The following DKC1 variants were observed in gnomAD, a reference collection of about 807,000 sequenced individuals.
DKC1 encodes the protein dyskerin pseudouridine synthase 1.
In DKC1, 4 loss-of-function variants were observed where a neutral mutation model predicts 46.7. The ratio of observed to expected loss-of-function variants is 0.09; its 90% CI spans 0.04 to 0.20. The LOEUF (loss-of-function observed/expected upper bound fraction) is 0.20, where lower values mean the gene tolerates loss of function less well. Ranked by LOEUF, DKC1 falls within the 10% of genes least tolerant of loss-of-function variation. The probability of loss-of-function intolerance (pLI) is 1.00; values close to 1 mark genes in which losing one functional copy is unlikely to be tolerated. For missense variants in DKC1, 171 were observed against 404.2 expected, an observed-to-expected ratio of 0.42 and a Z score of 4.95; for synonymous variants, 141 against 142.4, an observed-to-expected ratio of 0.99 and a Z score of 0.07.
intron 12 of DKC1, 69 bp from the exon 13 acceptor site, chrX:154,775,126 A>G (rs1255140672): frequency 2.0e-6 from 2 of 1,009,716 alleles, no homozygotes; most frequent in African/African-American, 3.7e-5. Flanking sequence ...GCCAGATAAC[A>G]CTACATAACA....
Position 154,776,258 on chromosome X carries a change from G to C in DKC1, c.1410G>C (p.Lys470Asn), listed in dbSNP as rs2148517585. The change falls in exon 14 of 15, where the codon AAG (lysine) becomes AAC (asparagine). Residue 470 changes from lysine to asparagine, a missense_variant. Lys to Asn is a moderately conservative substitution (Grantham distance 94). Transcript: ENST00000369550. ...CTCCTCAGTTGATCAAGAAGGAAAA[G>C]AAGAAGAGTAAGAAGGACAAGAAGG... ...PAAPQLIKKE[K>N]KKSKKDKKAK... The C allele has an allele frequency of 8.3e-7, 1 of 1,211,523 alleles. No homozygotes were observed. Among genetic ancestry groups the C allele is most frequent in the Non-Finnish European group, 1.1e-6 (1 of 895,188 alleles).
intron 9 of DKC1, among the ~76,000 whole-genome samples, chrX:154,769,788 G>A (rs954963671): frequency 5.3e-5 from 6 of 112,230 alleles, no homozygotes; most frequent in Non-Finnish European, 1.1e-4. Flanking sequence ...CTGAAAGATG[G>A]CACCATAATA....
intron 1 of DKC1, among the ~76,000 whole-genome samples, chrX:154,764,022 G>A (rs2148508415): frequency 9.1e-6 from 1 of 109,727 alleles, no homozygotes; most frequent in African/African-American, 3.3e-5. Flanking sequence ...TTAGGTGGGC[G>A]TGGTGGTATA....
chrX:154,776,020 C>T lies in DKC1; in HGVS notation c.1339-167C>T, dbSNP rs1230240526. On this transcript the variant is annotated intron_variant, in intron 13 of 14. Coordinates refer to ENST00000369550, the MANE Select transcript of DKC1 (RefSeq NM_001363.5). ...TCTTGGATTTGGGGGATGAGACTGT[C>T]TTCAAATCCTCAGTAAACTAAGGCC... 2.7e-5 allele frequency among the ~76,000 whole-genome samples: 3 copies of T among 112,286 alleles called. No individual in the cohort carries two copies. In the East Asian group the frequency reaches 8.3e-4, roughly 31 times the overall value.
In DKC1 at chrX:154,767,093, T is replaced by G. The variant is rs782769226; in HGVS notation, c.513+32T>G. On this transcript the variant is annotated intron_variant, in intron 6 of 14. Coordinates refer to ENST00000369550, the MANE Select transcript of DKC1 (RefSeq NM_001363.5). ...CTGCAATTGTAGGGAGGACACCCTT[T>G]GTTGACTTGGATCTCTGAGCCCCTA... 25 of 1,193,829 alleles carry G rather than the reference T, an allele frequency of 2.1e-5. No individual in the cohort carries two copies. In the South Asian group the frequency reaches 4.4e-4, roughly 21 times the overall value.
In DKC1 at chrX:154,765,927, A is replaced by G; in HGVS notation, c.192A>G (p.Val64=). 3 of 1,208,166 alleles carry G rather than the reference A, an allele frequency of 2.5e-6. No individual in the cohort carries two copies. Among genetic ancestry groups the G allele is most frequent in the Non-Finnish European group, 3.4e-6 (3 of 892,131 alleles). ...LLLKNFDKLN[V]RTTHYTPLAC... ...TGTAGAATTTTGATAAGCTGAATGTAAGGACAACACACTATACACCTCTTG... is the reference window on the plus strand; with the variant it reads ...TGTAGAATTTTGATAAGCTGAATGTGAGGACAACACACTATACACCTCTTG... The change falls in exon 4 of 15, where the codon GTA becomes GTG. Residue 64 remains valine, a synonymous_variant. Coordinates refer to ENST00000369550, the MANE Select transcript of DKC1 (RefSeq NM_001363.5).
intron 13 of DKC1, among the ~76,000 whole-genome samples, chrX:154,775,584 A>G (rs1478328082): frequency 1.8e-5 from 2 of 112,211 alleles, no homozygotes; most frequent in African/African-American, 3.2e-5. Flanking sequence ...GTGTGTGTCA[A>G]TTCTGGCCCC....
chrX:154,770,482 A>AG (rs1191103548), intron 9 of DKC1, among the ~76,000 whole-genome samples: 5 of 107,998 alleles, frequency 4.6e-5, no homozygotes, highest in South Asian at 4.1e-4. Context: ...AAAAAAAAAA[A>AG]AAAAAAAGAA....
At chrX:154,772,356 G>C (rs2071835825) in intron 10 of DKC1, among the ~76,000 whole-genome samples, 1 of 112,116 alleles carries the variant, frequency 8.9e-6, no homozygotes, top group African/African-American at 3.2e-5. Flanking sequence ...TTTTTACCCA[G>C]TGTATGTTCT....
At chrX:154,776,052 G>A (rs782295532) in intron 13 of DKC1, 135 bp from the exon 14 acceptor site, 55 of 794,215 alleles carry the variant, frequency 6.9e-5, no homozygotes, top group African/African-American at 5.9e-4. Flanking sequence ...GGCCCTGTCC[G>A]GGTTTGTAGT....
rs2071734340 is a variant in DKC1, at chrX:154,765,538, G to T, written c.171+8G>T. The T allele has an allele frequency of 8.7e-7, 1 of 1,146,445 alleles. No individual in the cohort carries two copies. The highest frequency in any genetic ancestry group is 1.2e-6 in the Non-Finnish European group (1 of 836,675). 94.5% of individuals were successfully genotyped at this position (1,146,445 alleles called of 1,213,427 possible). On this transcript the variant is annotated splice_region_variant and intron_variant, in intron 3 of 14. Coordinates refer to ENST00000369550, the MANE Select transcript of DKC1 (RefSeq NM_001363.5). ...TGGCCCCTTTTGCTAAAGGTATGTG[G>T]TTAAAATCGTGCATCAGATGAATGC...
At chrX:154,776,047 T>C (rs976885313) in intron 13 of DKC1, 140 bp from the exon 14 acceptor site, 1 of 756,257 alleles carries the variant, frequency 1.3e-6, no homozygotes, top group Non-Finnish European at 2.0e-6. Flanking sequence ...ACTAAGGCCC[T>C]GTCCGGGTTT....
intron 8 of DKC1, chrX:154,768,829 CA>C: frequency 8.8e-5 from 23 of 261,700 alleles, no homozygotes; most frequent in Admixed American, 1.2e-4. Context: ...ACTAAAAATA[CA>C]AAAAAAATTA....
rs1207699727 is a variant in DKC1 at position 154,777,104 on chromosome X, C to A, written c.*237C>A. ...GAGGCAGAGTTTATCCCAATGACTT[C>A]TCTGTTTGAGTTGGGAAGCCTCACC... On this transcript the variant is annotated 3_prime_UTR_variant, in exon 15 of 15. Transcript: ENST00000369550. The A allele has an allele frequency of 2.5e-5, 8 of 318,246 alleles. No individual in the cohort carries two copies. The highest frequency in any genetic ancestry group is 4.5e-5 in the Non-Finnish European group (8 of 176,752). 26.2% of individuals were successfully genotyped at this position (318,246 alleles called of 1,213,427 possible).
chrX:154,772,996 A>G, intron 10 of DKC1, 135 bp from the exon 11 acceptor site: 2 of 478,583 alleles, frequency 4.2e-6, no homozygotes, highest in Non-Finnish European at 7.5e-6. Flanking sequence ...CATCCTGAGC[A>G]AAGGTAACCC....
At position 154,774,539 on chromosome X, in the gene DKC1, AGTCACCATGCCCGCTTCCAGCATT is replaced by A. The variant is rs1214849705; in HGVS notation, c.1156-61_1156-38del. The A allele has an allele frequency of 1.1e-5, 11 of 989,654 alleles. No homozygotes were observed. The African/African-American group carries it at 2.1e-4, about 19-fold the overall frequency. 81.6% of individuals were successfully genotyped at this position (989,654 alleles called of 1,213,427 possible). ...GGAGGAACCTTGTTCTATTCTTTGTAGTCACCATGCCCGCTTCCAGCATTGACACCATTCTAATGTTGACACCTT... is the reference window on the plus strand; with the variant it reads ...GGAGGAACCTTGTTCTATTCTTTGTAGACACCATTCTAATGTTGACACCTT... On this transcript the variant is annotated intron_variant, in intron 11 of 14. Transcript: ENST00000369550.
chrX:154,774,545 C>T (rs1293107778), intron 11 of DKC1, 57 bp from the exon 12 acceptor site: 1 of 1,046,496 alleles, frequency 9.6e-7, no homozygotes, highest in Non-Finnish European at 1.3e-6. Flanking sequence ...TTGTAGTCAC[C>T]ATGCCCGCTT....
intron 8 of DKC1, chrX:154,768,709 G>A (rs1371560401): frequency 2.5e-6 from 1 of 406,162 alleles, no homozygotes; most frequent in Non-Finnish European, 4.4e-6. Flanking sequence ...CCTGGAAGAG[G>A]GCGCGGTGGC....
chrX:154,770,467 T>TTAAA (rs782272867), intron 9 of DKC1, among the ~76,000 whole-genome samples: 1 of 67,791 alleles, frequency 1.5e-5, no homozygotes, highest in African/African-American at 5.8e-5. Context: ...GCCTGAAAAT[T>TTAAA]AAAAAAAAAA....
Sources: allele counts gnomAD v4.1 joint callset (sites outside exome capture counted in the v4.1 genomes callset), GRCh38; gene constraint gnomAD v4.1.1; transcripts MANE v1.5; gene names NCBI Gene and HGNC (gene_info 2026-07-23, HGNC 2026-07-21).